LMBRD2: variants seen among roughly 807,000 people sequenced by gnomAD.
LMBRD2 encodes LMBR1 domain containing 2.
A neutral mutation model predicts 94.4 loss-of-function variants in LMBRD2; 55 were observed. That is an observed-to-expected ratio of 0.58 (90% confidence interval 0.47 to 0.73). LMBRD2 has a LOEUF of 0.73. Ranked by LOEUF, LMBRD2 falls within the 30% of genes least tolerant of loss-of-function variation. The probability of loss-of-function intolerance (pLI) is 0.00; values close to 1 mark genes in which losing one functional copy is unlikely to be tolerated. For synonymous variants in LMBRD2, 246 were observed against 272.4 expected (o/e 0.90, Z 0.95); for missense variants, 640 against 831.9 (o/e 0.77, Z 2.84).
rs1192834338 is a variant in LMBRD2, at chr5:36,122,837, A to C, written c.936+11T>G. The C allele has an allele frequency of 1.3e-6, 2 of 1,589,132 alleles. No individual in the cohort carries two copies. The highest frequency in any genetic ancestry group is 2.3e-5 in the South Asian group (2 of 86,170). ...ATCATTAAGTAAAATACTTATAATT[A>C]ACAAAGTTACCTGTTTATGCAGTTT... On this transcript the variant is annotated intron_variant, in intron 8 of 17. Coordinates refer to ENST00000296603, the MANE Select transcript of LMBRD2 (RefSeq NM_001007527.2).
At chr5:36,118,812 A>C (rs1182228107) in intron 9 of LMBRD2, among the ~76,000 whole-genome samples, 1 of 151,852 alleles carries the variant, frequency 6.6e-6, no homozygotes, top group African/African-American at 2.4e-5. Context: ...CACCACTCCC[A>C]TCTAATTTTC....
At chr5:36,147,954 C>A (rs1435549559) in intron 1 of LMBRD2, 1 of 344,986 alleles carries the variant, frequency 2.9e-6, no homozygotes, top group Admixed American at 4.6e-5. Context: ...ATATCTGAGT[C>A]TGATGAATCA....
chr5:36,105,888 C>A (rs1743455203), intron 16 of LMBRD2, among the ~76,000 whole-genome samples: 1 of 152,048 alleles, frequency 6.6e-6, no homozygotes, highest in Non-Finnish European at 1.5e-5. Context: ...ATAAACAAAC[C>A]AAATTTTCAC....
intron 9 of LMBRD2, among the ~76,000 whole-genome samples, chr5:36,119,143 G>C (rs1461951503): frequency 6.6e-6 from 1 of 152,128 alleles, no homozygotes; most frequent in Admixed American, 6.6e-5. Context: ...ATAATTCCTA[G>C]TGATTTCAAT....
At chr5:36,144,187 TTAGAGTA>T (rs954017665) in intron 1 of LMBRD2, among the ~76,000 whole-genome samples, 8 of 152,278 alleles carry the variant, frequency 5.3e-5, no homozygotes, top group Admixed American at 1.3e-4. Flanking sequence ...CTCAAAAAAG[TTAGAGTA>T]TAGAGATTTA....
intron 2 of LMBRD2, 106 bp from the exon 3 acceptor site, chr5:36,142,705 T>C (rs1744440724): frequency 5.0e-6 from 3 of 604,148 alleles, no homozygotes; most frequent in African/African-American, 3.8e-5. Context: ...CCTTCTTGGC[T>C]ATGCTTTATT....
In LMBRD2 at chr5:36,146,941, AGTGTGTGTGTGT is replaced by A. The variant is rs371000455; in HGVS notation, c.-57-3547_-57-3536del. 1.0e-4 allele frequency among the ~76,000 whole-genome samples: 14 copies of A among 139,468 alleles called. No homozygotes were observed. In the East Asian group the frequency reaches 1.7e-3, roughly 17 times the overall value. 91.5% of individuals were successfully genotyped at this position (139,468 alleles called of 152,430 possible). ...CTCTGCGTGTGTGTGTGTGTGTGTG[AGTGTGTGTGTGT>A]GTGTGTGTGTGTGTGTGTGTGTGTG... On this transcript the variant is annotated intron_variant, in intron 1 of 17. Transcript: ENST00000296603.
At chr5:36,122,756 A>T in intron 8 of LMBRD2, 92 bp downstream of exon 8, 1 of 1,414,594 alleles carries the variant, frequency 7.1e-7, no homozygotes, top group Non-Finnish European at 9.4e-7. Context: ...TTTTAAATAC[A>T]CATTCACTAA....
In LMBRD2 at chr5:36,138,041, T is replaced by C. The variant is rs184424399; in HGVS notation, c.369-600A>G. Among the ~76,000 whole-genome samples the C allele has an allele frequency of 1.9e-4, 29 of 152,120 alleles. No homozygotes were observed. The East Asian group carries it at 5.4e-3, about 28-fold the overall frequency. ...GACAGAACTCTGAGAAATATCAACT[T>C]TTAAGAGAGGTAGAGAACAGAAGGA... On this transcript the variant is annotated intron_variant, in intron 4 of 17. Transcript: ENST00000296603.
intron 9 of LMBRD2, among the ~76,000 whole-genome samples, chr5:36,120,505 C>T (rs539256451): frequency 5.9e-5 from 9 of 152,156 alleles, no homozygotes; most frequent in South Asian, 2.1e-4. Context: ...GTGATCTGCC[C>T]GCCTCGGCCT....
In LMBRD2 at chr5:36,114,433, G is replaced by T; in HGVS notation, c.1631C>A (p.Thr544Asn). Reference sequence around the variant, plus strand: ...ATGTTAAGTTTCTTACCTAAAATAAGTAGCAATGCAGAGAATTACCACCAA... The same window carrying T: ...ATGTTAAGTTTCTTACCTAAAATAATTAGCAATGCAGAGAATTACCACCAA... Reference protein sequence around the residue: ...PMLVVILCIATYFSLGTRCLN... With the variant: ...PMLVVILCIANYFSLGTRCLN... The change falls in exon 13 of 18, where the codon ACT becomes AAT. Residue 544 changes from threonine (T) to asparagine (N), a missense_variant. Coordinates refer to ENST00000296603, the MANE Select transcript of LMBRD2 (RefSeq NM_001007527.2). The T allele has an allele frequency of 6.4e-7, 1 of 1,556,586 alleles. No individual in the cohort carries two copies. Among genetic ancestry groups the T allele is most frequent in the Admixed American group, 2.1e-5 (1 of 48,138 alleles).
chr5:36,148,844 T>C (rs1413561358), intron 1 of LMBRD2, among the ~76,000 whole-genome samples: 1 of 152,238 alleles, frequency 6.6e-6, no homozygotes, highest in Non-Finnish European at 1.5e-5. Context: ...TAATGATTTA[T>C]TTTGTTCAGT....
chr5:36,116,429 T>G (rs1743745316), intron 11 of LMBRD2, 31 bp downstream of exon 11: 1 of 1,599,266 alleles, frequency 6.3e-7, no homozygotes, highest in East Asian at 2.2e-5. Context: ...ATGATGACAT[T>G]TCTCTTGTTT....
chr5:36,142,777 T>A, intron 2 of LMBRD2, 178 bp from the exon 3 acceptor site: 1 of 442,018 alleles, frequency 2.3e-6, no homozygotes, highest in Non-Finnish European at 4.0e-6. Flanking sequence ...CAGGCTGGAG[T>A]GCAGTGGCGC....
chr5:36,148,891 C>A (rs1744619105), intron 1 of LMBRD2, among the ~76,000 whole-genome samples: 1 of 152,164 alleles, frequency 6.6e-6, no homozygotes, highest in African/African-American at 2.4e-5. Flanking sequence ...TCTCCCATTT[C>A]TTTTAGATAT....
At chr5:36,117,164 A>C (rs1034789711) in intron 10 of LMBRD2, among the ~76,000 whole-genome samples, 3 of 152,048 alleles carry the variant, frequency 2.0e-5, no homozygotes, top group Admixed American at 6.6e-5. Context: ...AACTCTTCAC[A>C]TGAGGCCTAT....
Position 36,151,101 on chromosome 5 carries a change from C to T in LMBRD2, c.-58+455G>A, listed in dbSNP as rs1351728301. Among the ~76,000 whole-genome samples, 1 of 152,172 alleles carries T rather than the reference C, an allele frequency of 6.6e-6. No homozygotes were observed. Among genetic ancestry groups the T allele is most frequent in the Non-Finnish European group, 1.5e-5 (1 of 68,034 alleles). ...TGGTCATTGTACCTGGAATATGTCACGCTCCCTACTCTTACTGCCCCCAAA... is the reference window on the plus strand; with the variant it reads ...TGGTCATTGTACCTGGAATATGTCATGCTCCCTACTCTTACTGCCCCCAAA... On this transcript the variant is annotated intron_variant, in intron 1 of 17. Coordinates refer to ENST00000296603, the MANE Select transcript of LMBRD2 (RefSeq NM_001007527.2). The surrounding 1 kb of genome is among the most constrained non-coding windows in gnomAD (Gnocchi z 4.7).
At chr5:36,139,826 T>C (rs1744361887) in intron 4 of LMBRD2, among the ~76,000 whole-genome samples, 1 of 152,184 alleles carries the variant, frequency 6.6e-6, no homozygotes, top group Admixed American at 6.5e-5. Flanking sequence ...TTGGGTCTCC[T>C]GAGAGTTGTA....
In LMBRD2 at chr5:36,116,518, A is replaced by G; in HGVS notation, c.1378T>C (p.Tyr460His). Residue 460 changes from tyrosine (Y) to histidine (H), a missense_variant, in exon 11 of 18, where the codon TAT (tyrosine) becomes CAT (histidine). Physicochemically the swap from Tyr to His is moderately conservative, Grantham distance 83. Transcript: ENST00000296603. The part of the protein sequence containing the change: ...STVFRIRVFN[Y>H]YYLASHHQTD... ...TGGTGATGTGAGGCCAAATAATAAT[A>G]GTTAAATACACGAATCCTGAACACA... 3 of 1,612,860 alleles carry G rather than the reference A, an allele frequency of 1.9e-6. No homozygotes were observed. Among genetic ancestry groups the G allele is most frequent in the Non-Finnish European group, 2.5e-6 (3 of 1,178,890 alleles).
Sources: gnomAD v4.1 joint callset for allele counts (sites outside exome capture counted in the v4.1 genomes callset) on GRCh38, gnomAD v4.1.1 for gene constraint, Gnocchi (gnomAD v3.1) non-coding constraint, MANE v1.5 for transcripts, NCBI Gene and HGNC (gene_info 2026-07-23, HGNC 2026-07-21) for gene names.